Variants in NR4A1 observed in about 807,000 individuals in gnomAD.
NR4A1 encodes nuclear receptor subfamily 4immunitygroup A member 1.
A neutral mutation model predicts 47.5 loss-of-function variants in NR4A1; 24 were observed. The ratio of observed to expected loss-of-function variants is 0.50; its 90% CI spans 0.37 to 0.71. The LOEUF is 0.71. Among genes scored for constraint, NR4A1 ranks in the 30% least tolerant of loss-of-function variants. NR4A1 has a pLI of 0.00. For missense variants in NR4A1, 669 were observed against 788.6 expected, an observed-to-expected ratio of 0.85 and a Z score of 1.82; for synonymous variants, 353 against 345.7, an observed-to-expected ratio of 1.02 and a Z score of -0.24.
rs566148738 is a variant in NR4A1 at position 52,056,000 on chromosome 12, C to G, written c.877-30C>G. ...CCCCCCTCCCCACCCCACACTCTGA[C>G]AGCTTGTTCCGTGTTGCCCCCCCAC... is the stretch of plus-strand genomic sequence containing the variant. On this transcript the variant is annotated intron_variant, in intron 2 of 6. Coordinates refer to ENST00000394825, the MANE Select transcript of NR4A1 (RefSeq NM_173157.3). 6.5e-6 allele frequency: 6 copies of G among 929,110 alleles called. No individual in the cohort carries two copies. In the Middle Eastern group the frequency reaches 8.5e-4, roughly 131 times the overall value. 57.6% of individuals were successfully genotyped at this position (929,110 alleles called of 1,614,324 possible). A position where few individuals can be genotyped will look rare whatever the true frequency, so the allele number is the denominator to read the frequency against.
At chr12:52,048,232 G>A (rs576166121), upstream of NR4A1, among the ~76,000 whole-genome samples, 3 of 152,042 alleles carry the variant, frequency 2.0e-5, no homozygotes, top group East Asian at 3.9e-4. Flanking sequence ...CACAGATAAC[G>A]CACTTGTTCT....
At chr12:52,023,823 C>G (rs1300240801) in intron 1 of NR4A1, among the ~76,000 whole-genome samples, 3 of 152,208 alleles carry the variant, frequency 2.0e-5, no homozygotes, top group Non-Finnish European at 4.4e-5. Flanking sequence ...AGGGGCGGGT[C>G]CTGGTAGGGG....
At chr12:52,054,040 G>A in intron 1 of NR4A1, 1 of 435,244 alleles carries the variant, frequency 2.3e-6, no homozygotes, top group Non-Finnish European at 4.1e-6. Context: ...AGAAATGCTG[G>A]CTGTATGCCT....
intron 1 of NR4A1, among the ~76,000 whole-genome samples, chr12:52,032,810 G>A (rs748632556): frequency 6.6e-6 from 1 of 152,124 alleles, no homozygotes; most frequent in Admixed American, 6.5e-5. Flanking sequence ...TGGAAAGACA[G>A]CTCAAGAATT....
rs949667143 is a variant in NR4A1, at chr12:52,052,279, G to A, written c.-3+711G>A. 5.6e-3 allele frequency among the ~76,000 whole-genome samples: 748 copies of A among 133,772 alleles called. 7 individuals are homozygous for A. Among genetic ancestry groups the A allele is most frequent in the African/African-American group, 0.018 (595 of 33,162 alleles). 87.8% of individuals were successfully genotyped at this position (133,772 alleles called of 152,430 possible). On this transcript the variant is annotated intron_variant, in intron 1 of 6. Coordinates refer to ENST00000394825, the MANE Select transcript of NR4A1 (RefSeq NM_173157.3). ...TGGGGCTTGGATCACGTGTGTGTGT[G>A]TGTGTGTGTGTGTGTGTGTGTGTGT...
At position 52,055,125 on chromosome 12, in the gene NR4A1, G is replaced by T; in HGVS notation, c.797G>T (p.Arg266Leu). The T allele has an allele frequency of 6.2e-7, 1 of 1,614,156 alleles. No individual in the cohort carries two copies. The highest frequency in any genetic ancestry group is 8.5e-7 in the Non-Finnish European group (1 of 1,180,056). ...GGGGCCCCAGGTGGAAGTGAAGGCC[G>T]CTGTGCTGTGTGTGGGGACAACGCT... ...RSGAPGGSEGRCAVCGDNASC... is the reference protein window; with the variant it reads ...RSGAPGGSEGLCAVCGDNASC... The change falls in exon 2 of 7, where the codon CGC becomes CTC. Residue 266 changes from arginine to leucine, a missense_variant. Physicochemically the swap from Arg to Leu is moderately radical, Grantham distance 102. Transcript: ENST00000394825.
chr12:52,054,231 C>T lies in NR4A1; in HGVS notation c.-2-96C>T, dbSNP rs1939121882. The T allele has an allele frequency of 2.8e-6, 3 of 1,067,780 alleles. No individual in the cohort carries two copies. In the African/African-American group the frequency reaches 4.8e-5, roughly 17 times the overall value. The allele number at this position is 1,067,780 out of a possible 1,614,324, so 66.1% of individuals were successfully genotyped here. ...CTCATCTTTAGGCTGGGATTCCTGC[C>T]ACCTTGCTGCTCTGGGGCCCAAATA... On this transcript the variant is annotated intron_variant, in intron 1 of 6. Transcript: ENST00000394825.
At chr12:52,047,471 T>C (rs1459079378), upstream of NR4A1, among the ~76,000 whole-genome samples, 1 of 152,266 alleles carries the variant, frequency 6.6e-6, no homozygotes, top group Non-Finnish European at 1.5e-5. Context: ...CCCAGCTGTG[T>C]TTCCACAGAG....
exon 2 of NR4A1, chr12:52,041,907 G>A (rs7316491): frequency 0.12 from 177,159 of 1,505,124 alleles, 12,039 homozygotes; most frequent in Non-Finnish European, 0.14. Flanking sequence ...GGTTGGCCAA[G>A]GCCTGTTGGT....
At chr12:52,027,527 G>C (rs896653936) in intron 1 of NR4A1, among the ~76,000 whole-genome samples, 3 of 152,262 alleles carry the variant, frequency 2.0e-5, no homozygotes, top group Non-Finnish European at 1.5e-5. Context: ...CTTGCCCAGA[G>C]CAAGCACTTG....
At chr12:52,049,174 G>C (rs1422373818), upstream of NR4A1, among the ~76,000 whole-genome samples, 1 of 152,172 alleles carries the variant, frequency 6.6e-6, no homozygotes, top group Non-Finnish European at 1.5e-5. Context: ...AACTTGTACT[G>C]CGAATACTCA....
chr12:52,023,224 G>A (rs1009313732), intron 1 of NR4A1, among the ~76,000 whole-genome samples: 1 of 152,216 alleles, frequency 6.6e-6, no homozygotes, highest in African/African-American at 2.4e-5. Flanking sequence ...TTCAAGGCCT[G>A]GGCTAGACTG....
chr12:52,055,851 C>T (rs1939232464), intron 2 of NR4A1, 179 bp from the exon 3 acceptor site: 1 of 473,248 alleles, frequency 2.1e-6, no homozygotes, highest in Non-Finnish European at 3.7e-6. Flanking sequence ...CAAGACTTTT[C>T]TCTCCCCCCG....
At chr12:52,057,301 C>T (rs371230720) in intron 5 of NR4A1, 42 bp downstream of exon 5, 2 of 1,613,830 alleles carry the variant, frequency 1.2e-6, no homozygotes, top group South Asian at 1.1e-5. Flanking sequence ...TTCCCTGATA[C>T]ACCTGCCTGT....
rs1939320052 is a variant in NR4A1 at position 52,057,214 on chromosome 12, T to C, written c.1316T>C (p.Leu439Pro). 1 of 1,613,904 alleles carries C rather than the reference T, an allele frequency of 6.2e-7. No homozygotes were observed. The highest frequency in any genetic ancestry group is 8.5e-7 in the Non-Finnish European group (1 of 1,179,926). Residue 439 changes from leucine to proline, a missense_variant, in exon 5 of 7, where the codon CTG becomes CCG. Transcript: ENST00000394825. ...ELSPADQDLL[L>P]ESAFLELFIL... ...TCACCGGCTGACCAGGACCTGTTGC[T>C]GGAGTCGGCCTTCCTGGAGCTCTTC...
At chr12:52,052,302 TGTGAGA>T (rs57276378) in intron 1 of NR4A1, among the ~76,000 whole-genome samples, 2,721 of 103,534 alleles carry the variant, frequency 0.026, 48 homozygotes, top group African/African-American at 0.082. Context: ...TGTGTGTGTG[TGTGAGA>T]GAGAGAGAGA....
At chr12:52,045,595 T>G (rs1355085903) in intron 2 of NR4A1, 1 of 445,962 alleles carries the variant, frequency 2.2e-6, no homozygotes, top group Admixed American at 2.4e-5. Flanking sequence ...GATGTCTGCA[T>G]TAGGCAGATG....
At chr12:52,044,458 G>A (rs773002115) in intron 2 of NR4A1, among the ~76,000 whole-genome samples, 13 of 152,190 alleles carry the variant, frequency 8.5e-5, no homozygotes, top group Non-Finnish European at 5.9e-5. Flanking sequence ...CCACAAACAC[G>A]CTCCGGGACC....
intron 2 of NR4A1, chr12:52,042,071 C>G (rs1360234995): frequency 1.0e-6 from 1 of 969,506 alleles, no homozygotes. Flanking sequence ...AGGTGCTGTT[C>G]AGTGTGCGGG....
Sources: allele counts gnomAD v4.1 joint callset (sites outside exome capture counted in the v4.1 genomes callset), GRCh38; gene constraint gnomAD v4.1.1; transcripts MANE v1.5; gene names NCBI Gene and HGNC (gene_info 2026-07-23, HGNC 2026-07-21).